The following FN1 variants were observed in gnomAD, a reference collection of about 807,000 sequenced individuals.
The protein encoded by FN1 is fibronectin.
In FN1, 106 loss-of-function variants were observed where a neutral mutation model predicts 297.3. The ratio of observed to expected loss-of-function variants is 0.36; its 90% CI spans 0.30 to 0.42. FN1 has a LOEUF of 0.42. FN1 is among the 10% of genes least tolerant of loss of function. The pLI is 1.00. For missense variants in FN1, 2,690 were observed against 3,124.9 expected (o/e 0.86, Z 3.32); for synonymous variants, 1,149 against 1,152.6 (o/e 1.00, Z 0.06).
At chr2:215,378,052 C>G in intron 35 of FN1, 123 bp downstream of exon 35, 1 of 730,282 alleles carries the variant, frequency 1.4e-6, no homozygotes. Context: ...AAGTGACGCT[C>G]CCGCCTCAGC....
At chr2:215,365,357 C>T in intron 43 of FN1, 148 bp downstream of exon 43, 1 of 884,468 alleles carries the variant, frequency 1.1e-6, no homozygotes. Context: ...CTTGTCTCCA[C>T]TTTCCCAAAT....
In FN1 at chr2:215,431,821, A is replaced by C. The variant is rs1293229200; in HGVS notation, c.547+12T>G. 6.2e-7 allele frequency: 1 copy of C among 1,614,112 alleles called. No individual in the cohort carries two copies. The highest frequency in any genetic ancestry group is 8.5e-7 in the Non-Finnish European group (1 of 1,179,958). ...GCATCCCAGCTCTTGCTCAGCCCTA[A>C]GACTCACACACCTATGGGCTTGCAG... is the stretch of plus-strand genomic sequence containing the variant. On this transcript the variant is annotated intron_variant, in intron 4 of 45. Transcript: ENST00000354785.
In FN1 at chr2:215,412,760, C is replaced by CTTTTTTTTTTTTTTT. The variant is rs10524797; in HGVS notation, c.1941+2062_1941+2076dup. Among the ~76,000 whole-genome samples the CTTTTTTTTTTTTTTT allele has an allele frequency of 6.8e-4, 66 of 97,538 alleles. 2 individuals carry two copies. The highest frequency in any genetic ancestry group is 9.0e-4 in the Non-Finnish European group (44 of 49,090). The allele number at this position is 97,538 out of a possible 152,430, so 64.0% of individuals were successfully genotyped here. ...TAATTTAAAGTATTATATTAAGTATCTTTTTTTTTTTTTTTTTTTTTTACT... is the reference window on the plus strand; with the variant it reads ...TAATTTAAAGTATTATATTAAGTATCTTTTTTTTTTTTTTTTTTTTTTTTTTTTTTTTTTTTTACT... On this transcript the variant is annotated intron_variant, in intron 13 of 45. Coordinates refer to ENST00000354785, the MANE Select transcript of FN1 (RefSeq NM_212482.4).
intron 15 of FN1, among the ~76,000 whole-genome samples, chr2:215,409,035 G>T (rs1273470453): frequency 2.0e-5 from 3 of 152,098 alleles, no homozygotes; most frequent in African/African-American, 7.2e-5. Flanking sequence ...TAAGAGTCAG[G>T]GTAGTGATTA....
At chr2:215,409,404 C>G (rs1318957298) in intron 15 of FN1, among the ~76,000 whole-genome samples, 159 bp downstream of exon 15, 2 of 152,144 alleles carry the variant, frequency 1.3e-5, no homozygotes, top group African/African-American at 2.4e-5. Flanking sequence ...TAGAAAGAGT[C>G]AGTCCTTCCC....
chr2:215,374,478 C>T (rs2056883461), intron 38 of FN1, among the ~76,000 whole-genome samples: 1 of 152,160 alleles, frequency 6.6e-6, no homozygotes, highest in Non-Finnish European at 1.5e-5. Flanking sequence ...TGAGTTCTCA[C>T]AAGATCTGAT....
rs2059267588 is a variant in FN1, at chr2:215,388,209, C to T, written c.4342+3G>A. 2 of 1,609,158 alleles carry T rather than the reference C, an allele frequency of 1.2e-6. No homozygotes were observed. The highest frequency in any genetic ancestry group is 1.7e-6 in the Non-Finnish European group (2 of 1,175,636). On this transcript the variant is annotated splice_donor_region_variant and intron_variant, in intron 27 of 45. Coordinates refer to ENST00000354785, the MANE Select transcript of FN1 (RefSeq NM_212482.4). The stretch of plus-strand genomic sequence containing the variant: ...GGATAGTCATACTGCCAACACCACT[C>T]ACCTGTTTTCTGTCTTCCTCTAAGA...
At chr2:215,384,362 G>A (rs2058629378) in intron 29 of FN1, 178 bp from the exon 30 acceptor site, 2 of 622,740 alleles carry the variant, frequency 3.2e-6, no homozygotes, top group Admixed American at 5.5e-5. Flanking sequence ...ACCTTGGTAA[G>A]TGTATAAACA....
chr2:215,414,591 G>T, intron 13 of FN1: 1 of 839,038 alleles, frequency 1.2e-6, no homozygotes, highest in Non-Finnish European at 1.7e-6. Flanking sequence ...AACATAAAGA[G>T]CTAAATTCTT....
intron 44 of FN1, 153 bp from the exon 45 acceptor site, chr2:215,362,232 AT>A: frequency 1.5e-6 from 1 of 677,884 alleles, no homozygotes; most frequent in Non-Finnish European, 2.7e-6. Flanking sequence ...GATTTCATGC[AT>A]TTATAACTCT....
chr2:215,411,706 G>A (rs1278281205), intron 13 of FN1, among the ~76,000 whole-genome samples: 1 of 136,058 alleles, frequency 7.3e-6, no homozygotes, highest in East Asian at 2.1e-4. Flanking sequence ...CGCTCTTGTT[G>A]CCCAGGCTGG....
Position 215,409,556 on chromosome 2 carries a change from A to T in FN1, c.2299+7T>A. 1 of 1,612,466 alleles carries T rather than the reference A, an allele frequency of 6.2e-7. No homozygotes were observed. The highest frequency in any genetic ancestry group is 8.5e-7 in the Non-Finnish European group (1 of 1,179,736). On this transcript the variant is annotated splice_region_variant and intron_variant, in intron 15 of 45. Transcript: ENST00000354785. ...TGAACCTGTCTTGAGCGACATATTG[A>T]GCTTACCCAGGTACTGTGGCTCATC... is the stretch of plus-strand genomic sequence containing the variant.
chr2:215,423,281 A>C, intron 9 of FN1, 69 bp downstream of exon 9: 1 of 1,517,556 alleles, frequency 6.6e-7, no homozygotes, highest in Non-Finnish European at 9.1e-7. Context: ...AGTAAACTGG[A>C]CACTAGTCTT....
In FN1 at chr2:215,392,971, A is replaced by G; in HGVS notation, c.4029T>C (p.Asn1343=). Residue 1343 remains asparagine (N), a synonymous_variant, in exon 25 of 46, where the codon AAT becomes AAC. Transcript: ENST00000354785. ...GTGTAGTAGGGGCACTCTCGCCGCC[A>G]TTAATGAGAGTGATAACGCTGATAT... is the stretch of plus-strand genomic sequence containing the variant. ...DYDISVITLI[N]GGESAPTTLT... is the part of the protein sequence containing the mutation. 6.2e-7 allele frequency: 1 copy of G among 1,613,436 alleles called. No homozygotes were observed. Among genetic ancestry groups the G allele is most frequent in the Non-Finnish European group, 8.5e-7 (1 of 1,180,014 alleles).
chr2:215,414,078 T>A (rs2063082792), intron 13 of FN1, among the ~76,000 whole-genome samples: 1 of 152,234 alleles, frequency 6.6e-6, no homozygotes, highest in Non-Finnish European at 1.5e-5. Flanking sequence ...TCTTTGTAAT[T>A]GTAGAATTCA....
intron 23 of FN1, among the ~76,000 whole-genome samples, chr2:215,395,855 G>A (rs929454509): frequency 6.6e-6 from 1 of 152,130 alleles, no homozygotes; most frequent in Non-Finnish European, 1.5e-5. Flanking sequence ...GTGTGGGCTG[G>A]GCCATTGAGA....
At chr2:215,377,099 T>C (rs2057423623) in intron 35 of FN1, among the ~76,000 whole-genome samples, 1 of 151,992 alleles carries the variant, frequency 6.6e-6, no homozygotes, top group Non-Finnish European at 1.5e-5. Context: ...TGTGTGTGTG[T>C]GTGTGTGTGT....
chr2:215,427,855 C>CGTGTGT, intron 6 of FN1, among the ~76,000 whole-genome samples: 1 of 151,980 alleles, frequency 6.6e-6, no homozygotes, highest in Admixed American at 6.5e-5. Context: ...ATTCAAAATA[C>CGTGTGT]GTGTGTGTGT....
At chr2:215,381,990 C>A (rs1480673256) in intron 32 of FN1, 14 of 510,076 alleles carry the variant, frequency 2.7e-5, no homozygotes. Flanking sequence ...AAATTCAAAG[C>A]ACAGCAACTA....
Sources: gnomAD v4.1 joint callset for allele counts (sites outside exome capture counted in the v4.1 genomes callset) on GRCh38, gnomAD v4.1.1 for gene constraint, MANE v1.5 for transcripts, NCBI Gene and HGNC (gene_info 2026-07-23, HGNC 2026-07-21) for gene names.